The following CALCR variants were observed in gnomAD, a reference collection of about 807,000 sequenced individuals.
The protein encoded by CALCR is calcitonin receptor.
A neutral mutation model predicts 59.5 loss-of-function variants in CALCR; 47 were observed. The observed-to-expected ratio is 0.79, with a 90% confidence interval of 0.63 to 1.01. The LOEUF is 1.01. CALCR is among the 50% of genes least tolerant of loss of function. The pLI is 0.00. For synonymous variants in CALCR, 213 were observed against 211.3 expected, an observed-to-expected ratio of 1.01 and a Z score of -0.07; for missense variants, 566 against 597.1, an observed-to-expected ratio of 0.95 and a Z score of 0.54.
At chr7:93,466,401 A>G (rs753202573) in intron 7 of CALCR, among the ~76,000 whole-genome samples, 4 of 151,980 alleles carry the variant, frequency 2.6e-5, no homozygotes, top group Admixed American at 2.6e-4. Flanking sequence ...TATAAAAAAC[A>G]TTAAAGGGTT....
At chr7:93,571,727 G>T (rs890664597) in intron 2 of CALCR, among the ~76,000 whole-genome samples, 2 of 152,062 alleles carry the variant, frequency 1.3e-5, no homozygotes, top group Non-Finnish European at 2.9e-5. Context: ...AATTTACTTG[G>T]TTCGTGGCTT....
At chr7:93,483,446 T>C (rs981090451) in intron 3 of CALCR, among the ~76,000 whole-genome samples, 3 of 144,130 alleles carry the variant, frequency 2.1e-5, no homozygotes, top group Non-Finnish European at 3.0e-5. Flanking sequence ...GATAGATAGA[T>C]AGATAGATAG....
intron 2 of CALCR, among the ~76,000 whole-genome samples, chr7:93,549,588 G>C (rs1789393845): frequency 6.6e-6 from 1 of 152,132 alleles, no homozygotes; most frequent in South Asian, 2.1e-4. Flanking sequence ...TTTAGGTTAG[G>C]ATTTGTGGTT....
At chr7:93,573,578 T>C (rs575054713) in intron 2 of CALCR, among the ~76,000 whole-genome samples, 1 of 152,338 alleles carries the variant, frequency 6.6e-6, no homozygotes, top group East Asian at 1.9e-4. Context: ...AAAGTCTGTA[T>C]GATAGTTTAC....
intron 9 of CALCR, among the ~76,000 whole-genome samples, chr7:93,442,414 C>T (rs1009230514): frequency 6.6e-6 from 1 of 152,158 alleles, no homozygotes; most frequent in Non-Finnish European, 1.5e-5. Flanking sequence ...CCATGTACCC[C>T]TGTTATGTAA....
rs1801808172 is a variant in CALCR at position 93,523,487 on chromosome 7, G to A, written c.-26-36480C>T. On this transcript the variant is annotated intron_variant, in intron 2 of 13. Transcript: ENST00000426151. ...GTGTCTTATTCGCTAGTGTATTCCT[G>A]TCATCTACTAGATATTCAGTACTGC... 2.0e-5 allele frequency among the ~76,000 whole-genome samples: 3 copies of A among 152,032 alleles called. No homozygotes were observed. The South Asian group carries it at 6.2e-4, about 32-fold the overall frequency.
intron 8 of CALCR, among the ~76,000 whole-genome samples, chr7:93,452,740 C>T (rs898978986): frequency 6.6e-6 from 1 of 151,936 alleles, no homozygotes; most frequent in South Asian, 2.1e-4. Flanking sequence ...GGAGATGATC[C>T]TGAAATTGGC....
chr7:93,438,342 TGGTAG>T, intron 9 of CALCR, 72 bp from the exon 10 acceptor site: 1 of 1,139,234 alleles, frequency 8.8e-7, no homozygotes, highest in Non-Finnish European at 1.3e-6. Flanking sequence ...GCATGGACAA[TGGTAG>T]TGTACTTGCA....
chr7:93,473,635 A>G (rs1647583135), intron 5 of CALCR, among the ~76,000 whole-genome samples: 1 of 145,430 alleles, frequency 6.9e-6, no homozygotes, highest in South Asian at 2.3e-4. Flanking sequence ...AAGAGGAGGA[A>G]AGCCTGACAT....
intron 2 of CALCR, among the ~76,000 whole-genome samples, chr7:93,503,407 AACAC>A (rs112593093): frequency 6.6e-5 from 10 of 150,850 alleles, no homozygotes; most frequent in South Asian, 2.1e-4. Context: ...AATAATTAGA[AACAC>A]ACACACACAC....
chr7:93,568,380 C>T (rs931264554), intron 2 of CALCR, among the ~76,000 whole-genome samples: 2 of 152,180 alleles, frequency 1.3e-5, no homozygotes. Flanking sequence ...TCAACCCACA[C>T]CCAACTCACG....
chr7:93,493,761 T>C (rs1455265740), intron 2 of CALCR, among the ~76,000 whole-genome samples: 1 of 151,406 alleles, frequency 6.6e-6, no homozygotes, highest in Non-Finnish European at 1.5e-5. Context: ...CTTAGATTTG[T>C]GGCCTGCTAA....
At chr7:93,574,100 T>C (rs1790064109) in intron 2 of CALCR, among the ~76,000 whole-genome samples, 189 bp downstream of exon 2, 1 of 152,212 alleles carries the variant, frequency 6.6e-6, no homozygotes, top group African/African-American at 2.4e-5. Flanking sequence ...ACACCTATTT[T>C]TCTTTTTTCT....
chr7:93,532,304 T>C (rs1284597626), intron 2 of CALCR, among the ~76,000 whole-genome samples: 5 of 151,960 alleles, frequency 3.3e-5, no homozygotes, highest in Non-Finnish European at 7.4e-5. Flanking sequence ...GCTCCAAGAG[T>C]GTAACAGTGC....
At chr7:93,564,459 T>TA (rs1789813900) in intron 2 of CALCR, among the ~76,000 whole-genome samples, 6 of 151,702 alleles carry the variant, frequency 4.0e-5, no homozygotes, top group African/African-American at 7.2e-5. Flanking sequence ...TACTACACTT[T>TA]TAAAAAAAAA....
intron 9 of CALCR, among the ~76,000 whole-genome samples, chr7:93,442,113 T>G (rs757033): frequency 6.6e-6 from 1 of 151,896 alleles, no homozygotes; most frequent in Non-Finnish European, 1.5e-5. Flanking sequence ...AAAACAGATA[T>G]GCAAGGAAAA....
chr7:93,471,105 C>T (rs1800543047), intron 6 of CALCR, among the ~76,000 whole-genome samples: 2 of 151,694 alleles, frequency 1.3e-5, no homozygotes, highest in African/African-American at 4.8e-5. Flanking sequence ...TAGAGAGTAG[C>T]ATTTCTTCTT....
chr7:93,464,347 A>G (rs1463324658), intron 7 of CALCR, among the ~76,000 whole-genome samples: 1 of 152,032 alleles, frequency 6.6e-6, no homozygotes, highest in Non-Finnish European at 1.5e-5. Flanking sequence ...AAAAGAAAAC[A>G]AGTAAAAGTT....
intron 2 of CALCR, among the ~76,000 whole-genome samples, chr7:93,558,764 C>T (rs1413626747): frequency 6.6e-6 from 1 of 151,982 alleles, no homozygotes; most frequent in Non-Finnish European, 1.5e-5. Flanking sequence ...CACTCAAAAC[C>T]TCTTGAACTG....
Sources: allele counts gnomAD v4.1 joint callset (sites outside exome capture counted in the v4.1 genomes callset), GRCh38; gene constraint gnomAD v4.1.1; transcripts MANE v1.5; gene names NCBI Gene and HGNC (gene_info 2026-07-23, HGNC 2026-07-21).